The following ACADL variants were observed in gnomAD, a reference collection of about 807,000 sequenced individuals.
ACADL encodes acyl-CoA dehydrogenase long chain.
A neutral mutation model predicts 56.9 loss-of-function variants in ACADL; 60 were observed. The observed-to-expected ratio is 1.05, with a 90% confidence interval of 0.86 to 1.31. The LOEUF (loss-of-function observed/expected upper bound fraction) is 1.31, where lower values mean the gene tolerates loss of function less well. Among genes scored for constraint, ACADL ranks in the 50% most tolerant of loss-of-function variants. The pLI is 0.00. For synonymous variants in ACADL, 158 were observed against 179.7 expected, an observed-to-expected ratio of 0.88 and a Z score of 0.97; for missense variants, 484 against 525.5, an observed-to-expected ratio of 0.92 and a Z score of 0.77.
chr2:210,195,461 G>T (rs1474016615), intron 8 of ACADL, 123 bp from the exon 9 acceptor site: 7 of 1,074,030 alleles, frequency 6.5e-6, no homozygotes, highest in Admixed American at 4.2e-5. Context: ...GGAATTGTTG[G>T]TTTTTTCCTC....
At chr2:210,218,901 T>G (rs1012414514) in intron 2 of ACADL, among the ~76,000 whole-genome samples, 6 of 152,212 alleles carry the variant, frequency 3.9e-5, no homozygotes, top group Non-Finnish European at 2.9e-5. Context: ...CTATATCAAA[T>G]TAACTTCTGA....
intron 10 of ACADL, among the ~76,000 whole-genome samples, chr2:210,192,289 C>A (rs2125708387): frequency 6.6e-6 from 1 of 151,566 alleles, no homozygotes; most frequent in East Asian, 1.9e-4. Context: ...GGGTTTGAGA[C>A]CAGCCTGGCC....
At chr2:210,212,615 C>G (rs567960296) in intron 4 of ACADL, among the ~76,000 whole-genome samples, 2 of 152,120 alleles carry the variant, frequency 1.3e-5, no homozygotes, top group African/African-American at 4.8e-5. Context: ...TTGTCACAGA[C>G]GCCATAAAGC....
At chr2:210,214,101 T>C (rs983478396) in intron 4 of ACADL, among the ~76,000 whole-genome samples, 8 of 152,086 alleles carry the variant, frequency 5.3e-5, no homozygotes, top group Admixed American at 5.2e-4. Flanking sequence ...TAATTATATA[T>C]AATGAAGCTT....
At chr2:210,225,146 C>A in intron 1 of ACADL, 41 bp downstream of exon 1, 1 of 1,527,900 alleles carries the variant, frequency 6.5e-7, no homozygotes, top group South Asian at 1.2e-5. Flanking sequence ...CACCCCACAG[C>A]CTCCCGGCCT....
intron 8 of ACADL, among the ~76,000 whole-genome samples, chr2:210,200,528 A>G (rs1025774134): frequency 2.0e-5 from 3 of 152,198 alleles, no homozygotes; most frequent in Non-Finnish European, 2.9e-5. Flanking sequence ...TCAGTGATCC[A>G]TAAATGAAAG....
In ACADL at chr2:210,210,282, T is replaced by TA. The variant is rs369064648; in HGVS notation, c.537-21dup. The TA allele has an allele frequency of 9.5e-5, 148 of 1,551,070 alleles. 1 individual carries two copies. In the South Asian group the frequency reaches 1.5e-3, roughly 16 times the overall value. On this transcript the variant is annotated intron_variant, in intron 4 of 10. Transcript: ENST00000233710. ...AAGTCACTGTAATTGAAAGAAAAGA[T>TA]AAAAAATTCATCAAATGATAAAAAT...
In ACADL at chr2:210,188,015, T is replaced by C. The variant is rs1366753624; in HGVS notation, c.*946A>G. 2.0e-5 allele frequency: 3 copies of C among 152,230 alleles called. No individual in the cohort carries two copies. The highest frequency in any genetic ancestry group is 4.4e-5 in the Non-Finnish European group (3 of 68,042). 9.4% of individuals were successfully genotyped at this position (152,230 alleles called of 1,614,324 possible). On this transcript the variant is annotated 3_prime_UTR_variant, in exon 11 of 11. Transcript: ENST00000233710. ...TTTTGAATTTTAAATGCTTACTTTA[T>C]TATTTACATTGCACTTATGCTTGAA...
Position 210,189,064 on chromosome 2 carries a change from T to C in ACADL, c.1200-10A>G. On this transcript the variant is annotated splice_polypyrimidine_tract_variant and intron_variant, in intron 10 of 10. Coordinates refer to ENST00000233710, the MANE Select transcript of ACADL (RefSeq NM_001608.4). ...GGCATCCACATAAGCTCTGGATAAATCAGATGATTGAATGAATAAATAAAA... is the reference window on the plus strand; with the variant it reads ...GGCATCCACATAAGCTCTGGATAAACCAGATGATTGAATGAATAAATAAAA... The C allele has an allele frequency of 6.3e-7, 1 of 1,579,824 alleles. No individual in the cohort carries two copies. Among genetic ancestry groups the C allele is most frequent in the South Asian group, 1.1e-5 (1 of 90,260 alleles).
intron 5 of ACADL, among the ~76,000 whole-genome samples, chr2:210,208,563 A>G (rs1214089963): frequency 6.6e-6 from 1 of 152,222 alleles, no homozygotes; most frequent in Non-Finnish European, 1.5e-5. Context: ...TTAAATGCTT[A>G]TAAAATAACA....
chr2:210,211,507 G>C (rs568997120), intron 4 of ACADL, among the ~76,000 whole-genome samples: 1 of 152,238 alleles, frequency 6.6e-6, no homozygotes, highest in South Asian at 2.1e-4. Flanking sequence ...TTGGATCATG[G>C]GGAAGGACTT....
chr2:210,224,079 G>C, intron 1 of ACADL, among the ~76,000 whole-genome samples: 1 of 151,892 alleles, frequency 6.6e-6, no homozygotes, highest in Non-Finnish European at 1.5e-5. Flanking sequence ...AGATCAGCCG[G>C]GTGTGGTGGT....
chr2:210,197,610 G>A (rs1056723168), intron 8 of ACADL, among the ~76,000 whole-genome samples: 6 of 152,154 alleles, frequency 3.9e-5, no homozygotes, highest in African/African-American at 1.2e-4. Context: ...ATGACACTAT[G>A]TATGACACTT....
intron 4 of ACADL, among the ~76,000 whole-genome samples, chr2:210,212,616 G>A (rs536299504): frequency 1.4e-4 from 21 of 152,234 alleles, no homozygotes; most frequent in South Asian, 6.2e-4. Context: ...TGTCACAGAC[G>A]CCATAAAGCA....
chr2:210,199,399 A>G (rs1688759292), intron 8 of ACADL, among the ~76,000 whole-genome samples: 1 of 152,152 alleles, frequency 6.6e-6, no homozygotes, highest in Admixed American at 6.5e-5. Context: ...CTAACTTTGA[A>G]AGAAGGCAAC....
intron 7 of ACADL, 100 bp downstream of exon 7, chr2:210,204,481 G>T: frequency 1.1e-6 from 1 of 896,124 alleles, no homozygotes; most frequent in Non-Finnish European, 1.8e-6. Flanking sequence ...AGTTTTGCAT[G>T]TATAAATTTG....
intron 8 of ACADL, 90 bp from the exon 9 acceptor site, chr2:210,195,428 AG>A: frequency 7.2e-7 from 1 of 1,391,046 alleles, no homozygotes; most frequent in Non-Finnish European, 1.0e-6. Context: ...ATACAATAAA[AG>A]ATCTTTAGGG....
At chr2:210,216,964 G>A (rs1575680834) in intron 3 of ACADL, among the ~76,000 whole-genome samples, 1 of 151,166 alleles carries the variant, frequency 6.6e-6, no homozygotes, top group East Asian at 1.9e-4. Flanking sequence ...AAAACATGGA[G>A]TCATGGAGTG....
At position 210,225,095 on chromosome 2, in the gene ACADL, C is replaced by T; in HGVS notation, c.77+92G>A. The T allele has an allele frequency of 4.6e-6, 7 of 1,518,474 alleles. No individual in the cohort carries two copies. The South Asian group carries it at 4.9e-5, about 11-fold the overall frequency. 94.1% of individuals were successfully genotyped at this position (1,518,474 alleles called of 1,614,324 possible). ...GGGAGCACTCCCAGCCGCGCGCGCA[C>T]CGCCCTGCTTCAAGCCAGCGACAGG... On this transcript the variant is annotated intron_variant, in intron 1 of 10. Coordinates refer to ENST00000233710, the MANE Select transcript of ACADL (RefSeq NM_001608.4).
Sources: gnomAD v4.1 joint callset for allele counts (sites outside exome capture counted in the v4.1 genomes callset) on GRCh38, gnomAD v4.1.1 for gene constraint, MANE v1.5 for transcripts, NCBI Gene and HGNC (gene_info 2026-07-23, HGNC 2026-07-21) for gene names.